Variants in USP34 observed in about 807,000 individuals in gnomAD.
The protein encoded by USP34 is ubiquitin specific peptidase 34, also known as ubiquitin carboxyl-terminal hydrolase 34.
USP34 carries 70 observed loss-of-function variants against 460.3 expected under a neutral mutation model. That is an observed-to-expected ratio of 0.15 (90% CI 0.13 to 0.19). The LOEUF is 0.19. USP34 is among the 10% of genes least tolerant of loss of function. The probability of loss-of-function intolerance (pLI) is 1.00; values close to 1 mark genes in which losing one functional copy is unlikely to be tolerated. For synonymous variants in USP34, 1,647 were observed against 1,405.3 expected, an observed-to-expected ratio of 1.17 and a Z score of -3.85; for missense variants, 3,985 against 4,236.2, an observed-to-expected ratio of 0.94 and a Z score of 1.65.
chr2:61,265,718 A>G, intron 42 of USP34, 161 bp from the exon 43 acceptor site: 1 of 734,386 alleles, frequency 1.4e-6, no homozygotes, highest in Non-Finnish European at 1.9e-6. Flanking sequence ...GATGAAAACT[A>G]ATTTATTCTC....
At chr2:61,398,626 GGA>G (rs960399968) in intron 3 of USP34, among the ~76,000 whole-genome samples, 1 of 151,370 alleles carries the variant, frequency 6.6e-6, no homozygotes, top group African/African-American at 2.4e-5. Flanking sequence ...GAAAGAGGGA[GGA>G]GAGAGAAAAT....
At chr2:61,270,176 T>C (rs746458223) in intron 41 of USP34, among the ~76,000 whole-genome samples, 2 of 152,188 alleles carry the variant, frequency 1.3e-5, no homozygotes, top group African/African-American at 2.4e-5. Context: ...GGTGGGACCT[T>C]TGGAAGGTTA....
chr2:61,211,069 T>G (rs1449570039), intron 69 of USP34, among the ~76,000 whole-genome samples: 1 of 152,194 alleles, frequency 6.6e-6, no homozygotes, highest in African/African-American at 2.4e-5. Context: ...TGTTTACTAA[T>G]GAAGACTCAC....
At chr2:61,459,467 G>A (rs1323325175) in intron 1 of USP34, among the ~76,000 whole-genome samples, 1 of 152,076 alleles carries the variant, frequency 6.6e-6, no homozygotes, top group Non-Finnish European at 1.5e-5. Context: ...CCTAAAATTT[G>A]GGCACAATTA....
chr2:61,235,961 C>A lies in USP34; in HGVS notation c.6967-51G>T, dbSNP rs1688056483. On this transcript the variant is annotated intron_variant, in intron 56 of 79. Transcript: ENST00000398571. ...ATATGAACTTCTGAGCCAACAATAA[C>A]AAAAACCAAAAGATATCTGATAAAA... 3 of 1,597,422 alleles carry A rather than the reference C, an allele frequency of 1.9e-6. No individual in the cohort carries two copies. The East Asian group carries it at 6.7e-5, about 36-fold the overall frequency.
Position 61,353,770 on chromosome 2 carries a change from A to C in USP34, c.1252-3077T>G, listed in dbSNP as rs559255285. On this transcript the variant is annotated intron_variant, in intron 10 of 79. Coordinates refer to ENST00000398571, the MANE Select transcript of USP34 (RefSeq NM_014709.4). ...AAAAAACTTTATCTCAAAGATAGTA[A>C]GAGTAAAGACAGGAAAACAATGCAT... Among the ~76,000 whole-genome samples the C allele has an allele frequency of 1.2e-3, 182 of 152,272 alleles. 1 individual carries two copies. Among genetic ancestry groups the C allele is most frequent in the African/African-American group, 4.2e-3 (173 of 41,548 alleles).
chr2:61,236,058 C>T lies in USP34; in HGVS notation c.6934G>A (p.Val2312Ile). 6.2e-7 allele frequency: 1 copy of T among 1,607,000 alleles called. No homozygotes were observed. Among genetic ancestry groups the T allele is most frequent in the Non-Finnish European group, 8.5e-7 (1 of 1,178,278 alleles). The change falls in exon 56 of 80, where the codon GTC becomes ATC. Residue 2312 changes from valine (V) to isoleucine (I), a missense_variant. Around this residue, in one of 14 missense-constraint regions of USP34, gnomAD observed 604 missense variants for 684.8 expected, o/e 0.88. Coordinates refer to ENST00000398571, the MANE Select transcript of USP34 (RefSeq NM_014709.4). ...TTAGAATGAATAAATGTCTCTAGGA[C>T]AAAGGAAGTGCTTAACTGTAAGAAA... The part of the protein sequence containing the change: ...LMTAKLSTSF[V>I]LETFIHSKEK...
rs564869315 is a variant in USP34, at chr2:61,394,838, C to T, written c.753+15G>A. On this transcript the variant is annotated intron_variant, in intron 5 of 79. Coordinates refer to ENST00000398571, the MANE Select transcript of USP34 (RefSeq NM_014709.4). ...ATTGCTCCCAAAATTAAGATCAATT[C>T]AAAACAATACTTACATTAGACACAA... is the stretch of plus-strand genomic sequence containing the variant. 1 of 1,515,656 alleles carries T rather than the reference C, an allele frequency of 6.6e-7. No homozygotes were observed. The highest frequency in any genetic ancestry group is 2.4e-5 in the East Asian group (1 of 40,952). 93.9% of individuals were successfully genotyped at this position (1,515,656 alleles called of 1,614,324 possible).
At chr2:61,313,704 A>T (rs1487612908) in intron 25 of USP34, among the ~76,000 whole-genome samples, 1 of 152,160 alleles carries the variant, frequency 6.6e-6, no homozygotes, top group African/African-American at 2.4e-5. Flanking sequence ...AAACACAAGG[A>T]ATTCTTTAAG....
intron 10 of USP34, among the ~76,000 whole-genome samples, chr2:61,360,513 A>C (rs1458168411): frequency 6.6e-6 from 1 of 152,244 alleles, no homozygotes; most frequent in Non-Finnish European, 1.5e-5. Flanking sequence ...TTGTACACTG[A>C]AAATTATAAA....
At chr2:61,340,755 T>C (rs1022580198) in intron 16 of USP34, among the ~76,000 whole-genome samples, 6 of 152,276 alleles carry the variant, frequency 3.9e-5, no homozygotes, top group African/African-American at 1.4e-4. Flanking sequence ...ACTCTTTTAA[T>C]TGGGTTGTCT....
chr2:61,370,659 A>C (rs1692593565), intron 8 of USP34, 80 bp from the exon 9 acceptor site: 1 of 1,311,364 alleles, frequency 7.6e-7, no homozygotes, highest in Non-Finnish European at 1.1e-6. Flanking sequence ...TCAATTGAAA[A>C]CCTAAATTTG....
chr2:61,440,123 G>C (rs187163179), intron 1 of USP34, among the ~76,000 whole-genome samples: 1 of 152,266 alleles, frequency 6.6e-6, no homozygotes, highest in East Asian at 1.9e-4. Context: ...AAAGCCAGCA[G>C]CATGGCCGTC....
chr2:61,256,226 GAAC>G (rs941454303), intron 48 of USP34, among the ~76,000 whole-genome samples, 155 bp downstream of exon 48: 8 of 152,088 alleles, frequency 5.3e-5, no homozygotes, highest in African/African-American at 1.9e-4. Context: ...GTAATTCACT[GAAC>G]AACTAGATGA....
chr2:61,287,166 A>G (rs907172738), intron 34 of USP34, among the ~76,000 whole-genome samples: 2 of 152,166 alleles, frequency 1.3e-5, no homozygotes, highest in South Asian at 4.1e-4. Flanking sequence ...TTAACCCCCA[A>G]AATTCCAAAA....
At chr2:61,283,856 A>C (rs961557716) in intron 35 of USP34, among the ~76,000 whole-genome samples, 2 of 151,184 alleles carry the variant, frequency 1.3e-5, no homozygotes, top group African/African-American at 4.9e-5. Flanking sequence ...ATTTATTTAA[A>C]GACTCACTGA....
rs577180990 is a variant in USP34 at position 61,456,201 on chromosome 2, T to G, written c.43+14449A>C. 7.9e-5 allele frequency among the ~76,000 whole-genome samples: 12 copies of G among 152,364 alleles called. No homozygotes were observed. The South Asian group carries it at 1.2e-3, about 16-fold the overall frequency. On this transcript the variant is annotated intron_variant, in intron 1 of 79. Coordinates refer to ENST00000398571, the MANE Select transcript of USP34 (RefSeq NM_014709.4). Reference sequence around the variant, plus strand: ...GTGTATTAGATATCCGTGGGCTTACTGCCCAGAAGCAATTTCACCTCTTTC... The same window carrying G: ...GTGTATTAGATATCCGTGGGCTTACGGCCCAGAAGCAATTTCACCTCTTTC...
chr2:61,436,650 AAG>A (rs1285327223), intron 1 of USP34, among the ~76,000 whole-genome samples: 1 of 152,206 alleles, frequency 6.6e-6, no homozygotes, highest in Non-Finnish European at 1.5e-5. Flanking sequence ...GAATATAACA[AAG>A]AAACATAGTT....
At chr2:61,393,870 GCTCACGC>G (rs1693430747) in intron 5 of USP34, among the ~76,000 whole-genome samples, 1 of 152,050 alleles carries the variant, frequency 6.6e-6, no homozygotes, top group Non-Finnish European at 1.5e-5. Flanking sequence ...GGGCACAGTC[GCTCACGC>G]CTGTAATCTC....
Sources: allele counts gnomAD v4.1 joint callset (sites outside exome capture counted in the v4.1 genomes callset), GRCh38; gene constraint gnomAD v4.1.1; regional missense constraint gnomAD v4.1.1; transcripts MANE v1.5; gene names NCBI Gene and HGNC (gene_info 2026-07-23, HGNC 2026-07-21).